GALNT17: variants seen among roughly 807,000 people sequenced by gnomAD.
GALNT17 encodes polypeptide N-acetylgalactosaminyltransferase 17.
In GALNT17, 29 loss-of-function variants were observed where a neutral mutation model predicts 63.7. That is an observed-to-expected ratio of 0.46 (90% confidence interval 0.34 to 0.62). The LOEUF (loss-of-function observed/expected upper bound fraction) is 0.62, where lower values mean the gene tolerates loss of function less well. GALNT17 is among the 20% of genes least tolerant of loss of function. GALNT17 has a pLI of 0.01. For missense variants in GALNT17, 603 were observed against 799.6 expected (o/e 0.75, Z 2.97); for synonymous variants, 305 against 318.3 (o/e 0.96, Z 0.45).
intron 6 of GALNT17, among the ~76,000 whole-genome samples, chr7:71,650,886 G>C (rs890617366): frequency 6.6e-6 from 1 of 152,158 alleles, no homozygotes; most frequent in Non-Finnish European, 1.5e-5. Context: ...TAAAGGCTAT[G>C]AGCCTGGCAG....
At chr7:71,450,931 C>CTTTTTT (rs5884839) in intron 5 of GALNT17, among the ~76,000 whole-genome samples, 1 of 147,426 alleles carries the variant, frequency 6.8e-6, no homozygotes, top group Non-Finnish European at 1.5e-5. Context: ...TTTTTTTATT[C>CTTTTTT]TTTTTTTTTT....
chr7:71,348,483 T>G (rs971442654), intron 2 of GALNT17, among the ~76,000 whole-genome samples: 1 of 152,202 alleles, frequency 6.6e-6, no homozygotes. Context: ...CAAGTTTCAA[T>G]GTCTTTCATG....
chr7:71,482,459 C>G (rs541558133), intron 5 of GALNT17, among the ~76,000 whole-genome samples: 2 of 152,092 alleles, frequency 1.3e-5, no homozygotes, highest in African/African-American at 4.8e-5. Flanking sequence ...GACAGGGATA[C>G]ATTCAAAGAA....
At chr7:71,625,878 G>A (rs780075415) in intron 6 of GALNT17, among the ~76,000 whole-genome samples, 38 of 152,056 alleles carry the variant, frequency 2.5e-4, no homozygotes, top group Non-Finnish European at 2.9e-4. Context: ...TGGAGATAGG[G>A]TCTTTAAAGA....
intron 6 of GALNT17, among the ~76,000 whole-genome samples, chr7:71,608,591 C>A (rs1790080144): frequency 6.6e-6 from 1 of 152,234 alleles, no homozygotes; most frequent in South Asian, 2.1e-4. Context: ...TGGTTTCCTC[C>A]ACTGTCTGGC....
intron 5 of GALNT17, among the ~76,000 whole-genome samples, chr7:71,501,609 C>T (rs563078936): frequency 6.6e-6 from 1 of 152,176 alleles, no homozygotes; most frequent in Non-Finnish European, 1.5e-5. Context: ...GGATCTCAAC[C>T]CTAGATGGGT....
intron 1 of GALNT17, among the ~76,000 whole-genome samples, chr7:71,320,723 G>T (rs1216439463): frequency 2.0e-5 from 3 of 152,182 alleles, no homozygotes. Flanking sequence ...GATGATGGTG[G>T]TGGTGGTGGG....
rs188327319 is a variant in GALNT17, at chr7:71,438,763, C to T, written c.962+17658C>T. 5.9e-5 allele frequency among the ~76,000 whole-genome samples: 9 copies of T among 152,044 alleles called. No individual in the cohort carries two copies. In the East Asian group the frequency reaches 1.7e-3, roughly 29 times the overall value. The stretch of plus-strand genomic sequence containing the variant: ...CTCACTTTGGGAATATTATAATAGC[C>T]CTTTTCTTTTTATTTGGTCTAGGTC... On this transcript the variant is annotated intron_variant, in intron 5 of 10. Coordinates refer to ENST00000333538, the MANE Select transcript of GALNT17 (RefSeq NM_022479.3).
At chr7:71,463,843 T>G (rs900629098) in intron 5 of GALNT17, among the ~76,000 whole-genome samples, 7 of 152,174 alleles carry the variant, frequency 4.6e-5, no homozygotes, top group African/African-American at 1.7e-4. Flanking sequence ...CAGACGTCAC[T>G]TTCATTGCCA....
chr7:71,136,646 G>C (rs1353371575), intron 1 of GALNT17, among the ~76,000 whole-genome samples: 6 of 151,922 alleles, frequency 3.9e-5, no homozygotes, highest in Non-Finnish European at 8.8e-5. Flanking sequence ...CACCATGCCC[G>C]GCTAATTTTT....
At chr7:71,624,310 C>T (rs747521434) in intron 6 of GALNT17, among the ~76,000 whole-genome samples, 2 of 152,168 alleles carry the variant, frequency 1.3e-5, no homozygotes, top group Non-Finnish European at 2.9e-5. Flanking sequence ...GGCCCCCAGG[C>T]GTTCCATGGG....
At chr7:71,643,817 G>A (rs956547029) in intron 6 of GALNT17, among the ~76,000 whole-genome samples, 5 of 152,168 alleles carry the variant, frequency 3.3e-5, no homozygotes, top group African/African-American at 9.7e-5. Context: ...AGAAACAATC[G>A]TTTAAAAATT....
At chr7:71,667,097 C>A (rs1449737060) in intron 7 of GALNT17, among the ~76,000 whole-genome samples, 5 of 152,240 alleles carry the variant, frequency 3.3e-5, no homozygotes, top group Non-Finnish European at 5.9e-5. Flanking sequence ...TTTATCTCCT[C>A]AGCCAGAGCA....
In GALNT17 at chr7:71,457,616, T is replaced by C. The variant is rs144380385; in HGVS notation, c.962+36511T>C. On this transcript the variant is annotated intron_variant, in intron 5 of 10. Coordinates refer to ENST00000333538, the MANE Select transcript of GALNT17 (RefSeq NM_022479.3). ...ATTCATGCCTCCCCTTTTTACACCA[T>C]ATAGGGTAATTTGCTGTCATTACCA... 5.9e-5 allele frequency among the ~76,000 whole-genome samples: 9 copies of C among 152,300 alleles called. No individual in the cohort carries two copies. In the East Asian group the frequency reaches 1.7e-3, roughly 29 times the overall value.
Position 71,320,408 on chromosome 7 carries a change from G to GAA in GALNT17, c.239-15128_239-15127dup, listed in dbSNP as rs35775246. Among the ~76,000 whole-genome samples, 73 of 143,430 alleles carry GAA rather than the reference G, an allele frequency of 5.1e-4. No homozygotes were observed. The South Asian group carries it at 0.013, about 26-fold the overall frequency. The allele number at this position is 143,430 out of a possible 152,430, so 94.1% of individuals were successfully genotyped here. The stretch of plus-strand genomic sequence containing the variant: ...CATGTTGCTGTGCCCAGCTAATTTT[G>GAA]AAAAAAAAAAAAAAATTTTTTTTTT... On this transcript the variant is annotated intron_variant, in intron 1 of 10. Transcript: ENST00000333538.
intron 6 of GALNT17, among the ~76,000 whole-genome samples, chr7:71,613,230 C>G (rs975777675): frequency 6.6e-6 from 1 of 152,126 alleles, no homozygotes; most frequent in Non-Finnish European, 1.5e-5. Context: ...ATGGTACATT[C>G]GTATGTGATA....
chr7:71,219,088 A>G (rs1409958107), intron 1 of GALNT17, among the ~76,000 whole-genome samples: 1 of 152,180 alleles, frequency 6.6e-6, no homozygotes, highest in East Asian at 1.9e-4. Context: ...GTACTACGTG[A>G]CAGTCACCTC....
rs147576787 is a variant in GALNT17 at position 71,485,723 on chromosome 7, C to A, written c.962+64618C>A. Among the ~76,000 whole-genome samples, 202 of 152,314 alleles carry A rather than the reference C, an allele frequency of 1.3e-3. 1 individual carries two copies. Among genetic ancestry groups the A allele is most frequent in the African/African-American group, 4.4e-3 (181 of 41,568 alleles). ...AGACATGGTTTATGGCCTTGTCATTCGCCATCATTGTAGCGCCCTCAGACC... is the reference window on the plus strand; with the variant it reads ...AGACATGGTTTATGGCCTTGTCATTAGCCATCATTGTAGCGCCCTCAGACC... On this transcript the variant is annotated intron_variant, in intron 5 of 10. Coordinates refer to ENST00000333538, the MANE Select transcript of GALNT17 (RefSeq NM_022479.3).
At chr7:71,388,160 T>TA (rs1238996750) in intron 2 of GALNT17, 75 bp from the exon 3 acceptor site, 1 of 1,506,764 alleles carries the variant, frequency 6.6e-7, no homozygotes, top group Non-Finnish European at 9.1e-7. Context: ...GCTGAAATCT[T>TA]ACACTATGTC....
Sources: gnomAD v4.1 joint callset for allele counts (sites outside exome capture counted in the v4.1 genomes callset) on GRCh38, gnomAD v4.1.1 for gene constraint, MANE v1.5 for transcripts, NCBI Gene and HGNC (gene_info 2026-07-23, HGNC 2026-07-21) for gene names.